NANOS3: variants seen among roughly 807,000 people sequenced by gnomAD.
NANOS3 encodes nanos C2HC-type zinc finger 3, also known as nanos homolog 3.
In NANOS3, 11 loss-of-function variants were observed where a neutral mutation model predicts 13.8. The observed-to-expected ratio is 0.80, with a 90% CI of 0.50 to 1.32. NANOS3 has a LOEUF of 1.32. Among genes scored for constraint, NANOS3 ranks in the 40% most tolerant of loss-of-function variants. The pLI is 0.00. For synonymous variants in NANOS3, 119 were observed against 115.4 expected, an observed-to-expected ratio of 1.03 and a Z score of -0.20; for missense variants, 221 against 263.8, an observed-to-expected ratio of 0.84 and a Z score of 1.12.
At chr19:13,877,814 G>GCC in intron 1 of NANOS3, 49 bp downstream of exon 1, 3 of 1,509,406 alleles carry the variant, frequency 2.0e-6, no homozygotes, top group Non-Finnish European at 8.8e-7. Flanking sequence ...TAGTGGCTGA[G>GCC]CCCCCCTGTG....
At chr19:13,879,017 C>G (rs1968576149) in intron 1 of NANOS3, among the ~76,000 whole-genome samples, 1 of 151,624 alleles carries the variant, frequency 6.6e-6, no homozygotes, top group African/African-American at 2.4e-5. Context: ...TCTTGGCTCA[C>G]TGCAACCTGT....
intron 1 of NANOS3, among the ~76,000 whole-genome samples, chr19:13,879,312 G>C (rs10413657): frequency 6.6e-6 from 1 of 152,030 alleles, no homozygotes; most frequent in Non-Finnish European, 1.5e-5. Flanking sequence ...TAACAGAGGA[G>C]GGGCCAGTCT....
chr19:13,867,887 T>C (rs1976266403), intron 1 of NANOS3, among the ~76,000 whole-genome samples: 1 of 152,052 alleles, frequency 6.6e-6, no homozygotes, highest in Non-Finnish European at 1.5e-5. Flanking sequence ...TGAGACTTGT[T>C]TAGGCACTCA....
At chr19:13,876,627 C>T (rs1389372758), upstream of NANOS3, among the ~76,000 whole-genome samples, 2 of 152,162 alleles carry the variant, frequency 1.3e-5, no homozygotes, top group East Asian at 1.9e-4. Context: ...CCGCAACCAG[C>T]CCATGAGCCT....
chr19:13,863,964 G>T (rs922963195), upstream of NANOS3, among the ~76,000 whole-genome samples: 1 of 152,092 alleles, frequency 6.6e-6, no homozygotes, highest in Non-Finnish European at 1.5e-5. Flanking sequence ...TAAGGTCTGG[G>T]CTTGGAAGGG....
At position 13,880,545 on chromosome 19, in the gene NANOS3, G is replaced by A. The variant is rs1307468827; in HGVS notation, c.*42G>A. Reference sequence around the variant, plus strand: ...GGGCAAGGGCACCCGGGCTCGGCTGGATTTCCAGGAAGACCCACCCTATGA... The same window carrying A: ...GGGCAAGGGCACCCGGGCTCGGCTGAATTTCCAGGAAGACCCACCCTATGA... On this transcript the variant is annotated 3_prime_UTR_variant, in exon 2 of 2. Coordinates refer to ENST00000339133, the MANE Select transcript of NANOS3 (RefSeq NM_001098622.3). 3.6e-5 allele frequency: 57 copies of A among 1,583,492 alleles called. No individual in the cohort carries two copies. Among genetic ancestry groups the A allele is most frequent in the Non-Finnish European group, 4.8e-5 (55 of 1,153,598 alleles).
At position 13,877,744 on chromosome 19, in the gene NANOS3, CGAGGAG is replaced by C. The variant is rs148122339; in HGVS notation, c.509_514del (p.Gly170_Gly171del). On this transcript the variant is annotated inframe_deletion, in exon 1 of 2. Transcript: ENST00000339133. ...GAAGACACAGGACACAGGCCACCGC[CGAGGAG>C]GAGGAGGAGGAGCAGGTGCCTGCAC... 29 of 1,577,342 alleles carry C rather than the reference CGAGGAG, an allele frequency of 1.8e-5. No individual in the cohort carries two copies. The Middle Eastern group carries it at 5.0e-4, about 27-fold the overall frequency.
chr19:13,869,095 G>A (rs536384427), intron 1 of NANOS3, among the ~76,000 whole-genome samples: 1 of 152,232 alleles, frequency 6.6e-6, no homozygotes, highest in African/African-American at 2.4e-5. Context: ...TCTTGAGACG[G>A]AGCCCACCCT....
In NANOS3 at chr19:13,877,719, G is replaced by A. The variant is rs557519241; in HGVS notation, c.471G>A (p.Ala157=). The change falls in exon 1 of 2, where the codon GCG becomes GCA. Residue 157 remains alanine (A), a synonymous_variant. Transcript: ENST00000339133. ...AGKKLVRPDK[A]KTQDTGHRRG... is the part of the protein sequence containing the mutation. The stretch of plus-strand genomic sequence containing the variant: ...AGAAGCTGGTCCGGCCTGACAAGGC[G>A]AAGACACAGGACACAGGCCACCGCC... The A allele has an allele frequency of 8.7e-6, 14 of 1,600,258 alleles. No individual in the cohort carries two copies. In the Admixed American group the frequency reaches 1.0e-4, roughly 12 times the overall value.
upstream of NANOS3, chr19:13,865,408 G>A (rs1336307690): frequency 6.8e-6 from 1 of 147,238 alleles, no homozygotes; most frequent in Non-Finnish European, 1.5e-5. Context: ...GGAAAGAAGA[G>A]GGGGAAATGC....
intron 1 of NANOS3, among the ~76,000 whole-genome samples, chr19:13,865,598 T>G: frequency 6.9e-6 from 1 of 144,144 alleles, no homozygotes; most frequent in Non-Finnish European, 1.5e-5. Context: ...GGCCCTCCAT[T>G]GTTGTTGGGG....
upstream of NANOS3, among the ~76,000 whole-genome samples, chr19:13,872,604 C>A (rs1444432692): frequency 6.6e-6 from 1 of 152,242 alleles, no homozygotes; most frequent in Non-Finnish European, 1.5e-5. Context: ...AACACCTGTG[C>A]TCCCAACTCA....
chr19:13,867,599 T>C (rs1299452531), intron 1 of NANOS3, among the ~76,000 whole-genome samples: 1 of 151,584 alleles, frequency 6.6e-6, no homozygotes, highest in Non-Finnish European at 1.5e-5. Context: ...TCTGGCTCTG[T>C]CACCCAGACT....
intron 1 of NANOS3, among the ~76,000 whole-genome samples, chr19:13,879,544 A>AG (rs1968585624): frequency 6.6e-6 from 1 of 152,156 alleles, no homozygotes; most frequent in Non-Finnish European, 1.5e-5. Context: ...GAGACCAGCC[A>AG]GGGCAACATG....
chr19:13,869,049 C>T (rs149331802), intron 1 of NANOS3, among the ~76,000 whole-genome samples: 22 of 152,206 alleles, frequency 1.4e-4, no homozygotes, highest in Non-Finnish European at 2.4e-4. Flanking sequence ...ACCTGAAGCC[C>T]CTATTTATAG....
chr19:13,862,338 G>A (rs1442803069), upstream of NANOS3: 2 of 152,234 alleles, frequency 1.3e-5, no homozygotes, highest in Admixed American at 6.5e-5. Flanking sequence ...GGAGTGGGAG[G>A]TGGCGGGGAG....
chr19:13,863,838 C>T (rs892408195), upstream of NANOS3, among the ~76,000 whole-genome samples: 3 of 151,848 alleles, frequency 2.0e-5, no homozygotes, highest in African/African-American at 4.8e-5. Context: ...GGCAGCTGGA[C>T]GATGTGGGAG....
In NANOS3 at chr19:13,880,623, A is replaced by T; in HGVS notation, c.*120A>T. ...CCCAGCCTGGGATTGAGCCCTGGGG[A>T]TGACCCGGGGTTGGCAAGGGAAGAG... On this transcript the variant is annotated 3_prime_UTR_variant, in exon 2 of 2. Coordinates refer to ENST00000339133, the MANE Select transcript of NANOS3 (RefSeq NM_001098622.3). 2.3e-6 allele frequency: 2 copies of T among 855,174 alleles called. No individual in the cohort carries two copies. The highest frequency in any genetic ancestry group is 3.8e-6 in the Non-Finnish European group (2 of 524,232). 53.0% of individuals were successfully genotyped at this position (855,174 alleles called of 1,614,324 possible).
At chr19:13,867,821 C>T (rs1331576582) in intron 1 of NANOS3, among the ~76,000 whole-genome samples, 1 of 152,106 alleles carries the variant, frequency 6.6e-6, no homozygotes, top group Non-Finnish European at 1.5e-5. Flanking sequence ...GACACTGTCA[C>T]CCACAAAGAT....
Sources: allele counts gnomAD v4.1 joint callset (sites outside exome capture counted in the v4.1 genomes callset), GRCh38; gene constraint gnomAD v4.1.1; transcripts MANE v1.5; gene names NCBI Gene and HGNC (gene_info 2026-07-23, HGNC 2026-07-21).